CSGALNACT1: variants seen among roughly 807,000 people sequenced by gnomAD.
CSGALNACT1 encodes beta4GalNAcT-1.
CSGALNACT1 carries 52 observed loss-of-function variants against 51.0 expected under a neutral mutation model. That is an observed-to-expected ratio of 1.02 (90% CI 0.82 to 1.29). The LOEUF (loss-of-function observed/expected upper bound fraction) is 1.29. CSGALNACT1 is among the 50% of genes most tolerant of loss of function. CSGALNACT1 has a pLI of 0.00. For synonymous variants in CSGALNACT1, 341 were observed against 254.4 expected (o/e 1.34, Z -3.24); for missense variants, 935 against 679.2 (o/e 1.38, Z -4.19).
intron 3 of CSGALNACT1, among the ~76,000 whole-genome samples, chr8:19,535,799 C>T (rs375920208): frequency 6.6e-6 from 1 of 152,090 alleles, no homozygotes; most frequent in African/African-American, 2.4e-5. Context: ...ATTTAAAACT[C>T]TCAGAAAAGC....
chr8:19,422,989 A>G (rs2058186352), intron 6 of CSGALNACT1, among the ~76,000 whole-genome samples: 2 of 152,128 alleles, frequency 1.3e-5, no homozygotes, highest in Non-Finnish European at 2.9e-5. Flanking sequence ...CCTCCCCATT[A>G]TACAGGGATA....
At chr8:19,425,796 G>C (rs1408699615) in intron 6 of CSGALNACT1, among the ~76,000 whole-genome samples, 1 of 152,186 alleles carries the variant, frequency 6.6e-6, no homozygotes, top group African/African-American at 2.4e-5. Flanking sequence ...GTGTGGGCAT[G>C]GCTGGGGCAT....
chr8:19,731,653 C>T (rs2063700646), intron 1 of CSGALNACT1, among the ~76,000 whole-genome samples: 1 of 152,184 alleles, frequency 6.6e-6, no homozygotes, highest in South Asian at 2.1e-4. Flanking sequence ...TGAAAGAGAT[C>T]TGTGGATAGA....
At chr8:19,450,814 G>A (rs574605269) in intron 5 of CSGALNACT1, among the ~76,000 whole-genome samples, 8 of 152,170 alleles carry the variant, frequency 5.3e-5, no homozygotes, top group Admixed American at 3.3e-4. Flanking sequence ...GGAGTCTGAG[G>A]GGGGAGGATC....
At chr8:19,725,508 T>A (rs1288391950) in intron 1 of CSGALNACT1, among the ~76,000 whole-genome samples, 1 of 149,782 alleles carries the variant, frequency 6.7e-6, no homozygotes, top group East Asian at 2.0e-4. Context: ...CACTGAAACC[T>A]CTGCCTTCCG....
At chr8:19,733,190 G>A (rs1191516202) in intron 1 of CSGALNACT1, among the ~76,000 whole-genome samples, 8 of 152,142 alleles carry the variant, frequency 5.3e-5, no homozygotes, top group Non-Finnish European at 1.2e-4. Flanking sequence ...TTACATAGCA[G>A]TGCTTTATAT....
At chr8:19,697,385 C>A (rs1446570053) in intron 1 of CSGALNACT1, among the ~76,000 whole-genome samples, 1 of 151,980 alleles carries the variant, frequency 6.6e-6, no homozygotes, top group African/African-American at 2.4e-5. Context: ...TGGGGTTGAT[C>A]ATGATGGAAA....
chr8:19,724,565 C>T (rs1246023386), intron 1 of CSGALNACT1, among the ~76,000 whole-genome samples: 1 of 152,226 alleles, frequency 6.6e-6, no homozygotes, highest in Non-Finnish European at 1.5e-5. Context: ...TCCCTCCCTT[C>T]ATCACATCAA....
intron 3 of CSGALNACT1, among the ~76,000 whole-genome samples, chr8:19,545,537 T>C (rs2086263177): frequency 6.6e-6 from 1 of 152,136 alleles, no homozygotes; most frequent in Non-Finnish European, 1.5e-5. Context: ...TAGCAAAGAC[T>C]CTGTCTTACA....
At chr8:19,455,286 C>G (rs762137126) in intron 5 of CSGALNACT1, among the ~76,000 whole-genome samples, 3 of 152,066 alleles carry the variant, frequency 2.0e-5, no homozygotes, top group Non-Finnish European at 4.4e-5. Context: ...CATATGGTAG[C>G]TATATAAATA....
intron 3 of CSGALNACT1, among the ~76,000 whole-genome samples, chr8:19,525,615 C>CCAAAAAAAAAAAAAA (rs2081511901): frequency 4.9e-5 from 1 of 20,362 alleles, no homozygotes; most frequent in African/African-American, 1.6e-4. Flanking sequence ...AAACTTGTCC[C>CCAAAAAAAAAAAAAA]AAAAAAAAAA....
intron 4 of CSGALNACT1, among the ~76,000 whole-genome samples, chr8:19,472,815 A>G (rs1376576864): frequency 6.6e-6 from 1 of 152,250 alleles, no homozygotes; most frequent in African/African-American, 2.4e-5. Flanking sequence ...GTAAGATAAT[A>G]TAATACTCAT....
At chr8:19,748,041 C>T (rs2064790636) in intron 1 of CSGALNACT1, among the ~76,000 whole-genome samples, 1 of 140,202 alleles carries the variant, frequency 7.1e-6, no homozygotes, top group South Asian at 2.3e-4. Context: ...CATTATGTAG[C>T]CATAAACGTA....
Position 19,741,512 on chromosome 8 carries a change from G to A in CSGALNACT1, c.-297+16338C>T, listed in dbSNP as rs1419061216. Among the ~76,000 whole-genome samples, 4 of 144,800 alleles carry A rather than the reference G, an allele frequency of 2.8e-5. No homozygotes were observed. The Admixed American group carries it at 2.8e-4, about 10-fold the overall frequency. The allele number at this position is 144,800 out of a possible 152,430, so 95.0% of individuals were successfully genotyped here. ...CGGGAAGCGGAGGTTGCAGTGAGCCGAGATTGCACCACTGAATTCCAGCCT... is the reference window on the plus strand; with the variant it reads ...CGGGAAGCGGAGGTTGCAGTGAGCCAAGATTGCACCACTGAATTCCAGCCT... On this transcript the variant is annotated intron_variant, in intron 1 of 1. Transcript: ENST00000517494.
At chr8:19,719,483 A>G (rs2062994999) in intron 1 of CSGALNACT1, among the ~76,000 whole-genome samples, 1 of 152,202 alleles carries the variant, frequency 6.6e-6, no homozygotes, top group Admixed American at 6.5e-5. Context: ...GGTACATTAA[A>G]CATCACAAAG....
At chr8:19,606,412 C>CA (rs1418518013), upstream of CSGALNACT1, among the ~76,000 whole-genome samples, 11 of 152,296 alleles carry the variant, frequency 7.2e-5, no homozygotes, top group Non-Finnish European at 5.9e-5. Context: ...AGATATGTCT[C>CA]AGAAAAGAAA....
At chr8:19,428,569 G>A (rs1322230670) in intron 6 of CSGALNACT1, among the ~76,000 whole-genome samples, 2 of 152,160 alleles carry the variant, frequency 1.3e-5, no homozygotes, top group African/African-American at 4.8e-5. Flanking sequence ...AGACTTCGGT[G>A]GGAACACAGC....
At chr8:19,639,091 T>C (rs2056442213) in intron 1 of CSGALNACT1, among the ~76,000 whole-genome samples, 1 of 152,148 alleles carries the variant, frequency 6.6e-6, no homozygotes, top group South Asian at 2.1e-4. Flanking sequence ...AAATTGACAG[T>C]AAATATGAAT....
intron 1 of CSGALNACT1, among the ~76,000 whole-genome samples, chr8:19,668,178 AG>A (rs1388978884): frequency 6.6e-6 from 1 of 152,202 alleles, no homozygotes; most frequent in East Asian, 1.9e-4. Context: ...AATGCAAAAA[AG>A]GAATGGTAAA....
Sources: gnomAD v4.1 joint callset for allele counts (sites outside exome capture counted in the v4.1 genomes callset) on GRCh38, gnomAD v4.1.1 for gene constraint, MANE v1.5 for transcripts, NCBI Gene and HGNC (gene_info 2026-07-23, HGNC 2026-07-21) for gene names.